The following UBP1 variants were observed in gnomAD, a reference collection of about 807,000 sequenced individuals.
UBP1 encodes the protein upstream binding protein 1.
Under a neutral mutation model 76.1 loss-of-function variants are expected in UBP1, and 22 were observed. That is an observed-to-expected ratio of 0.29 (90% CI 0.21 to 0.41). The LOEUF (loss-of-function observed/expected upper bound fraction) is 0.41, where lower values mean the gene tolerates loss of function less well. UBP1 is among the 10% of genes least tolerant of loss of function. The probability of loss-of-function intolerance (pLI) is 1.00; values close to 1 mark genes in which losing one functional copy is unlikely to be tolerated. For synonymous variants in UBP1, 224 were observed against 237.1 expected (o/e 0.94, Z 0.51); for missense variants, 436 against 668.1 (o/e 0.65, Z 3.83).
At chr3:33,413,391 C>A (rs1444894448) in intron 3 of UBP1, among the ~76,000 whole-genome samples, 1 of 151,264 alleles carries the variant, frequency 6.6e-6, no homozygotes, top group African/African-American at 2.4e-5. Flanking sequence ...ACAAAAAATA[C>A]AAAAAATTAG....
intron 13 of UBP1, among the ~76,000 whole-genome samples, chr3:33,395,492 C>G (rs761202535): frequency 2.0e-5 from 3 of 151,772 alleles, no homozygotes; most frequent in Non-Finnish European, 4.4e-5. Context: ...GAGGGAGAAG[C>G]CAAGATTATC....
At chr3:33,429,083 C>T (rs1203810156) in intron 1 of UBP1, among the ~76,000 whole-genome samples, 3 of 152,200 alleles carry the variant, frequency 2.0e-5, no homozygotes, top group Admixed American at 6.5e-5. Flanking sequence ...GCTATAAGCA[C>T]GTAACTCCAA....
chr3:33,408,333 A>G (rs746535834), intron 8 of UBP1, among the ~76,000 whole-genome samples: 4 of 152,166 alleles, frequency 2.6e-5, no homozygotes, highest in Admixed American at 6.5e-5. Context: ...TTTACTAAAG[A>G]AAGTATTTTC....
intron 8 of UBP1, among the ~76,000 whole-genome samples, chr3:33,403,867 TC>T (rs201688804): frequency 0.011 from 1,678 of 152,344 alleles, 16 homozygotes; most frequent in Middle Eastern, 0.024. Context: ...ATCTGAGGAC[TC>T]AGTTTCAAGG....
Position 33,392,618 on chromosome 3 carries a change from G to A in UBP1, c.1534-4C>T. On this transcript the variant is annotated splice_region_variant and splice_polypyrimidine_tract_variant and intron_variant, in intron 14 of 15. Coordinates refer to ENST00000283629, the MANE Select transcript of UBP1 (RefSeq NM_014517.5). ...CATCTTGAAAATTCTGAACCATCTG[G>A]AAGGATAAAGTAAATGCGTAAGTAC... The A allele has an allele frequency of 6.2e-7, 1 of 1,609,546 alleles. No homozygotes were observed. The highest frequency in any genetic ancestry group is 8.5e-7 in the Non-Finnish European group (1 of 1,178,070).
At position 33,390,293 on chromosome 3, in the gene UBP1, CTATTTGGTACTGAA is replaced by C. The variant is rs1476817780; in HGVS notation, c.*24_*37del. On this transcript the variant is annotated 3_prime_UTR_variant, in exon 16 of 16. Coordinates refer to ENST00000283629, the MANE Select transcript of UBP1 (RefSeq NM_014517.5). ...AGTCTTCACACACTTTTAAGCGTGA[CTATTTGGTACTGAA>C]TACAGTTCAGTCTATATAAGACATC... The C allele has an allele frequency of 1.3e-6, 2 of 1,596,258 alleles. No individual in the cohort carries two copies. Among genetic ancestry groups the C allele is most frequent in the Non-Finnish European group, 1.7e-6 (2 of 1,166,286 alleles).
intron 8 of UBP1, among the ~76,000 whole-genome samples, chr3:33,408,351 T>C (rs950109792): frequency 5.3e-5 from 8 of 152,058 alleles, no homozygotes; most frequent in African/African-American, 1.9e-4. Context: ...TTCAATTAAT[T>C]TCAGTGCTCT....
chr3:33,407,372 G>T (rs1169994088), intron 8 of UBP1, among the ~76,000 whole-genome samples: 1 of 152,056 alleles, frequency 6.6e-6, no homozygotes, highest in Admixed American at 6.6e-5. Flanking sequence ...TAGTTAAATG[G>T]TTTATAACAG....
At chr3:33,393,118 G>A (rs1458839274) in intron 14 of UBP1, 194 bp downstream of exon 14, 2 of 591,262 alleles carry the variant, frequency 3.4e-6, no homozygotes, top group Admixed American at 3.8e-5. Flanking sequence ...AGTTTTCCTT[G>A]GCTTGTATTC....
chr3:33,406,182 G>A (rs1384124848), intron 8 of UBP1, among the ~76,000 whole-genome samples: 1 of 152,192 alleles, frequency 6.6e-6, no homozygotes, highest in Non-Finnish European at 1.5e-5. Flanking sequence ...AGAAGTCTGA[G>A]GCAGGAGGAC....
At chr3:33,406,358 C>G (rs2044427439) in intron 8 of UBP1, among the ~76,000 whole-genome samples, 1 of 152,236 alleles carries the variant, frequency 6.6e-6, no homozygotes, top group Admixed American at 6.5e-5. Flanking sequence ...AGCTGACTAG[C>G]AAATCTAATC....
Position 33,412,688 on chromosome 3 carries a change from CTCA to C in UBP1, c.448+31_448+33del, listed in dbSNP as rs559377960. On this transcript the variant is annotated intron_variant, in intron 4 of 15. Coordinates refer to ENST00000283629, the MANE Select transcript of UBP1 (RefSeq NM_014517.5). ...TTACTGGCTATAGCTAAACAATACCCTCATCTCCATGGTCTTTTGATCACTGCC... is the reference window on the plus strand; with the variant it reads ...TTACTGGCTATAGCTAAACAATACCCTCTCCATGGTCTTTTGATCACTGCC... 2,841 of 1,348,628 alleles carry C rather than the reference CTCA, an allele frequency of 2.1e-3. 13 individuals carry two copies. Among genetic ancestry groups the C allele is most frequent in the Non-Finnish European group, 1.8e-3 (1,671 of 937,804 alleles). The allele number at this position is 1,348,628 out of a possible 1,614,324, so 83.5% of individuals were successfully genotyped here.
chr3:33,429,334 A>G (rs1048952978), intron 1 of UBP1, among the ~76,000 whole-genome samples: 18 of 152,108 alleles, frequency 1.2e-4, no homozygotes, highest in Non-Finnish European at 1.9e-4. Context: ...AAACGGAACT[A>G]AAAGTAGGGT....
At chr3:33,439,104 T>TA (rs1288688200) in intron 1 of UBP1, among the ~76,000 whole-genome samples, 1 of 152,200 alleles carries the variant, frequency 6.6e-6, no homozygotes, top group East Asian at 1.9e-4. Flanking sequence ...CAGCAGAGAC[T>TA]AAACAATTAT....
At chr3:33,427,175 G>C (rs2045032262) in intron 1 of UBP1, among the ~76,000 whole-genome samples, 1 of 152,206 alleles carries the variant, frequency 6.6e-6, no homozygotes, top group Non-Finnish European at 1.5e-5. Context: ...ATGTAGGCCA[G>C]ACTAGTCTCA....
intron 1 of UBP1, among the ~76,000 whole-genome samples, chr3:33,425,996 AATATATATATATATAT>A (rs60739079): frequency 0.02 from 1,085 of 55,130 alleles, 28 homozygotes; most frequent in Non-Finnish European, 0.027. Context: ...GGCAGCTCTG[AATATATATATATATAT>A]ATATATATAT....
chr3:33,425,857 T>C (rs1414407380), intron 1 of UBP1, 116 bp from the exon 2 acceptor site: 10 of 922,648 alleles, frequency 1.1e-5, no homozygotes, highest in Non-Finnish European at 1.5e-5. Context: ...TATAAACATT[T>C]AGGGATAGTT....
chr3:33,405,798 C>T (rs1368192381), intron 8 of UBP1, among the ~76,000 whole-genome samples: 1 of 152,124 alleles, frequency 6.6e-6, no homozygotes, highest in Non-Finnish European at 1.5e-5. Context: ...AGGTAAGTGT[C>T]AAGACCACTG....
At chr3:33,427,110 G>A (rs1219340193) in intron 1 of UBP1, among the ~76,000 whole-genome samples, 1 of 152,218 alleles carries the variant, frequency 6.6e-6, no homozygotes, top group Non-Finnish European at 1.5e-5. Flanking sequence ...TGGGATTAGA[G>A]GCATGTGCCA....
Sources: allele counts gnomAD v4.1 joint callset (sites outside exome capture counted in the v4.1 genomes callset), GRCh38; gene constraint gnomAD v4.1.1; transcripts MANE v1.5; gene names NCBI Gene and HGNC (gene_info 2026-07-23, HGNC 2026-07-21).